Variants in ARHGAP15 observed in about 807,000 individuals in gnomAD.
ARHGAP15 encodes the protein Rho GTPase activating protein 15.
A neutral mutation model predicts 63.7 loss-of-function variants in ARHGAP15; 51 were observed. That is an observed-to-expected ratio of 0.80 (90% CI 0.64 to 1.01). The LOEUF (loss-of-function observed/expected upper bound fraction) is 1.01. ARHGAP15 is among the 50% of genes least tolerant of loss of function. ARHGAP15 has a pLI of 0.00. For missense variants in ARHGAP15, 560 were observed against 564.6 expected (o/e 0.99, Z 0.08); for synonymous variants, 191 against 193.8 (o/e 0.99, Z 0.12).
intron 6 of ARHGAP15, among the ~76,000 whole-genome samples, chr2:143,303,763 A>G (rs1353332444): frequency 1.3e-5 from 2 of 152,188 alleles, no homozygotes; most frequent in Non-Finnish European, 2.9e-5. Context: ...ACAAATTTAC[A>G]AGAAAAAACC....
chr2:143,470,249 A>T (rs1237466269), intron 8 of ARHGAP15, among the ~76,000 whole-genome samples: 11 of 151,646 alleles, frequency 7.3e-5, no homozygotes, highest in Non-Finnish European at 4.4e-5. Flanking sequence ...TAGGTCAATA[A>T]GGAGAAAAAT....
chr2:143,196,069 C>T (rs1691875160), intron 2 of ARHGAP15, among the ~76,000 whole-genome samples: 1 of 151,980 alleles, frequency 6.6e-6, no homozygotes, highest in African/African-American at 2.4e-5. Flanking sequence ...ATCTGAAAAA[C>T]TTAATTATGA....
intron 12 of ARHGAP15, among the ~76,000 whole-genome samples, chr2:143,660,148 T>A (rs1434868314): frequency 6.6e-6 from 1 of 152,212 alleles, no homozygotes; most frequent in Non-Finnish European, 1.5e-5. Flanking sequence ...CCATGCTAAC[T>A]CTTCCACTCA....
chr2:143,570,119 T>C (rs1361961827), intron 11 of ARHGAP15, among the ~76,000 whole-genome samples: 1 of 152,200 alleles, frequency 6.6e-6, no homozygotes, highest in African/African-American at 2.4e-5. Context: ...CTACACCATA[T>C]GGAAGTTATA....
intron 6 of ARHGAP15, among the ~76,000 whole-genome samples, chr2:143,311,014 T>A (rs2105188486): frequency 6.6e-6 from 1 of 152,156 alleles, no homozygotes; most frequent in South Asian, 2.1e-4. Flanking sequence ...GAAAAACATA[T>A]CTCTGGCTAT....
chr2:143,217,429 T>C (rs1692798731), intron 4 of ARHGAP15, among the ~76,000 whole-genome samples: 1 of 152,220 alleles, frequency 6.6e-6, no homozygotes, highest in African/African-American at 2.4e-5. Flanking sequence ...TCTCTCCATA[T>C]TGTGTCTTAT....
intron 4 of ARHGAP15, among the ~76,000 whole-genome samples, chr2:143,227,852 G>A (rs1202999877): frequency 2.0e-5 from 3 of 152,014 alleles, no homozygotes; most frequent in Non-Finnish European, 2.9e-5. Context: ...ATTTAAATTC[G>A]TAGGGAATGG....
rs139582621 is a variant in ARHGAP15 at position 143,165,943 on chromosome 2, GAAGAAAGA to G, written c.165+10297_165+10304del. Among the ~76,000 whole-genome samples the G allele has an allele frequency of 4.0e-3, 371 of 92,588 alleles. 1 individual carries two copies. The highest frequency in any genetic ancestry group is 5.9e-3 in the Non-Finnish European group (262 of 44,416). The allele number at this position is 92,588 out of a possible 152,430, so 60.7% of individuals were successfully genotyped here. On this transcript the variant is annotated intron_variant, in intron 2 of 13. Transcript: ENST00000295095. Reference sequence around the variant, plus strand: ...TTTAACGTCAAGAAAGAAAAGAAAAGAAGAAAGAAAGAAAGAGAGAAAGAAAGAAAGAA... The same window carrying G: ...TTTAACGTCAAGAAAGAAAAGAAAAGAAGAAAGAGAGAAAGAAAGAAAGAA...
intron 6 of ARHGAP15, among the ~76,000 whole-genome samples, chr2:143,291,348 G>T (rs187696988): frequency 1.2e-4 from 19 of 152,004 alleles, no homozygotes; most frequent in African/African-American, 4.6e-4. Context: ...CAATCTGTAT[G>T]GAAAAGCAGC....
chr2:143,695,491 T>A (rs1409810343), intron 12 of ARHGAP15, among the ~76,000 whole-genome samples: 4 of 152,092 alleles, frequency 2.6e-5, no homozygotes, highest in African/African-American at 9.7e-5. Context: ...GCAAGTTTGG[T>A]TTAAGAACTG....
intron 12 of ARHGAP15, chr2:143,641,322 A>G (rs1680590041): frequency 6.6e-6 from 1 of 152,126 alleles, no homozygotes; most frequent in Admixed American, 6.6e-5. Context: ...AGAGTATTTC[A>G]ACTGCCATAA....
intron 6 of ARHGAP15, among the ~76,000 whole-genome samples, chr2:143,428,101 T>A (rs7608024): frequency 0.89 from 135,195 of 152,016 alleles, 60,489 homozygotes; most frequent in Middle Eastern, 0.97. Context: ...TGTGCTAAGA[T>A]AAAGGAGAAG....
At chr2:143,763,027 A>G (rs1376260389) in intron 13 of ARHGAP15, among the ~76,000 whole-genome samples, 1 of 152,124 alleles carries the variant, frequency 6.6e-6, no homozygotes, top group Non-Finnish European at 1.5e-5. Context: ...ATATTATTCC[A>G]TGAAAGCCTT....
chr2:143,584,286 A>C (rs963947497), intron 11 of ARHGAP15, among the ~76,000 whole-genome samples: 1 of 152,216 alleles, frequency 6.6e-6, no homozygotes, highest in Non-Finnish European at 1.5e-5. Context: ...CTAGACGAGA[A>C]TAGCCATGCT....
At chr2:143,134,182 CATCT>C (rs70982843) in intron 1 of ARHGAP15, among the ~76,000 whole-genome samples, 41,653 of 123,224 alleles carry the variant, frequency 0.34, 6,155 homozygotes, top group East Asian at 0.54. Flanking sequence ...ATCTATCTAT[CATCT>C]ATCTATCTAC....
chr2:143,492,039 A>G (rs1574524328), intron 9 of ARHGAP15, among the ~76,000 whole-genome samples: 1 of 151,934 alleles, frequency 6.6e-6, no homozygotes, highest in Non-Finnish European at 1.5e-5. Flanking sequence ...ACACCACCAC[A>G]TCCGGCTAAT....
At chr2:143,143,987 G>T (rs79545158) in intron 1 of ARHGAP15, among the ~76,000 whole-genome samples, 3 of 151,768 alleles carry the variant, frequency 2.0e-5, no homozygotes, top group Non-Finnish European at 4.4e-5. Flanking sequence ...TCATCATTTA[G>T]CTCCCACTTA....
chr2:143,766,235 T>C lies in ARHGAP15; in HGVS notation c.1245-1754T>C, dbSNP rs183141848. 2.8e-3 allele frequency among the ~76,000 whole-genome samples: 422 copies of C among 152,300 alleles called. 1 individual carries two copies. Among genetic ancestry groups the C allele is most frequent in the Middle Eastern group, 6.8e-3 (2 of 294 alleles). ...TCAACCATAGTCTGAAAGTATGAAA[T>C]GGAAAATTCCAGAAATATGCAATTA... On this transcript the variant is annotated intron_variant, in intron 13 of 13. Coordinates refer to ENST00000295095, the MANE Select transcript of ARHGAP15 (RefSeq NM_018460.4).
chr2:143,598,318 T>C (rs1268585795), intron 11 of ARHGAP15, among the ~76,000 whole-genome samples: 1 of 152,130 alleles, frequency 6.6e-6, no homozygotes, highest in Non-Finnish European at 1.5e-5. Context: ...TGGTCAAAAA[T>C]AGCATCAAAT....
Sources: gnomAD v4.1 joint callset for allele counts (sites outside exome capture counted in the v4.1 genomes callset) on GRCh38, gnomAD v4.1.1 for gene constraint, MANE v1.5 for transcripts, NCBI Gene and HGNC (gene_info 2026-07-23, HGNC 2026-07-21) for gene names.